The following TNR variants were observed in gnomAD, a reference collection of about 807,000 sequenced individuals.
The protein encoded by TNR is tenascin-R.
In TNR, 45 loss-of-function variants were observed where a neutral mutation model predicts 150.4. The ratio of observed to expected loss-of-function variants is 0.30; its 90% CI spans 0.24 to 0.38. TNR has a LOEUF of 0.38. TNR is among the 10% of genes least tolerant of loss of function. TNR has a pLI of 1.00. For missense variants in TNR, 1,544 were observed against 1,759.1 expected (o/e 0.88, Z 2.19); for synonymous variants, 687 against 678.4 (o/e 1.01, Z -0.20).
At chr1:175,696,825 G>C (rs2101923362) in intron 1 of TNR, among the ~76,000 whole-genome samples, 1 of 151,166 alleles carries the variant, frequency 6.6e-6, no homozygotes, top group South Asian at 2.1e-4. Flanking sequence ...GTTACAGTGG[G>C]CCGAGATCGT....
chr1:175,455,491 G>T (rs1425995808), intron 2 of TNR, among the ~76,000 whole-genome samples: 1 of 152,212 alleles, frequency 6.6e-6, no homozygotes, highest in African/African-American at 2.4e-5. Flanking sequence ...GTAGGAGCAG[G>T]CATGCTATTA....
rs146768225 is a variant in TNR at position 175,638,120 on chromosome 1, G to A, written c.-165+105106C>T. On this transcript the variant is annotated intron_variant, in intron 1 of 22. Transcript: ENST00000367674. ...GTCAGGCTCTTGTGGAGCAGGAAGTGCAGAACTTCTAGGAATGTCCCTAAT... is the reference window on the plus strand; with the variant it reads ...GTCAGGCTCTTGTGGAGCAGGAAGTACAGAACTTCTAGGAATGTCCCTAAT... Among the ~76,000 whole-genome samples the A allele has an allele frequency of 2.0e-3, 310 of 152,286 alleles. 2 individuals carry two copies. Among genetic ancestry groups the A allele is most frequent in the African/African-American group, 7.1e-3 (294 of 41,558 alleles).
rs575020723 is a variant in TNR, at chr1:175,656,141, A to AGTGTGTGTGTGT, written c.-165+87073_-165+87084dup. On this transcript the variant is annotated intron_variant, in intron 1 of 22. Transcript: ENST00000367674. ...AGGGGAAGACGGGGAGGAAGGTTGA[A>AGTGTGTGTGTGT]GTGTGTGTGTGTGTGTGTGTGTGTG... is the stretch of plus-strand genomic sequence containing the variant. Among the ~76,000 whole-genome samples the AGTGTGTGTGTGT allele has an allele frequency of 1.8e-3, 224 of 123,934 alleles. 1 individual carries two copies. Among genetic ancestry groups the AGTGTGTGTGTGT allele is most frequent in the African/African-American group, 4.0e-3 (131 of 32,856 alleles). The allele number at this position is 123,934 out of a possible 152,430, so 81.3% of individuals were successfully genotyped here.
rs143401612 is a variant in TNR at position 175,386,258 on chromosome 1, G to T, written c.1551C>A (p.Asp517Glu). 123 of 1,590,962 alleles carry T rather than the reference G, an allele frequency of 7.7e-5. No individual in the cohort carries two copies. The highest frequency in any genetic ancestry group is 8.1e-5 in the Non-Finnish European group (94 of 1,163,402). The change falls in exon 8 of 23, where the codon GAC becomes GAA. Residue 517 changes from aspartate (D) to glutamate (E), a missense_variant. Physicochemically the swap from Asp to Glu is conservative, Grantham distance 45. Around this residue, in one of 2 missense-constraint regions of TNR, gnomAD observed 1,254 missense variants for 1,329.4 expected, o/e 0.94. Transcript: ENST00000367674. ...PTQILVRDVSDTVAFVEWIPP... is the reference protein window; with the variant it reads ...PTQILVRDVSETVAFVEWIPP... The stretch of plus-strand genomic sequence containing the variant: ...GAATCCACTCCACAAAAGCCACAGT[G>T]TCCGAGACATCGCGAACCAGGATCT...
chr1:175,630,363 G>A (rs1455131636), intron 1 of TNR, among the ~76,000 whole-genome samples: 4 of 152,220 alleles, frequency 2.6e-5, no homozygotes, highest in Non-Finnish European at 5.9e-5. Context: ...TTCATTGAGT[G>A]TGTGTCTATC....
At chr1:175,522,968 T>C (rs1453817457) in intron 2 of TNR, among the ~76,000 whole-genome samples, 5 of 152,232 alleles carry the variant, frequency 3.3e-5, no homozygotes, top group Non-Finnish European at 5.9e-5. Context: ...TGGAAAGCAA[T>C]TTCAGTAAGT....
At chr1:175,463,756 C>A (rs1318441280) in intron 2 of TNR, among the ~76,000 whole-genome samples, 1 of 152,204 alleles carries the variant, frequency 6.6e-6, no homozygotes, top group Non-Finnish European at 1.5e-5. Context: ...ATCAAGATTA[C>A]CCCTTCCCCA....
At chr1:175,456,724 C>G (rs144927060) in intron 2 of TNR, among the ~76,000 whole-genome samples, 2 of 152,328 alleles carry the variant, frequency 1.3e-5, no homozygotes, top group East Asian at 3.9e-4. Flanking sequence ...CTGTTATAAA[C>G]TTTCCCTCCA....
In TNR at chr1:175,599,835, G is replaced by A. The variant is rs1442250999; in HGVS notation, c.-164-71466C>T. Among the ~76,000 whole-genome samples the A allele has an allele frequency of 6.6e-6, 1 of 152,218 alleles. No individual in the cohort carries two copies. The highest frequency in any genetic ancestry group is 1.5e-5 in the Non-Finnish European group (1 of 68,038). ...ATACACTTCCCAGATAGCAAGGAGGGGTGATTCGGATTCAACTCTTGCTGC... is the reference window on the plus strand; with the variant it reads ...ATACACTTCCCAGATAGCAAGGAGGAGTGATTCGGATTCAACTCTTGCTGC... On this transcript the variant is annotated intron_variant, in intron 1 of 22. Transcript: ENST00000367674. The surrounding 1 kb of genome is among the most constrained non-coding windows in gnomAD (Gnocchi z 4.7).
intron 2 of TNR, among the ~76,000 whole-genome samples, chr1:175,450,962 G>A (rs1311986423): frequency 1.3e-5 from 2 of 152,104 alleles, no homozygotes; most frequent in African/African-American, 4.8e-5. Flanking sequence ...TTCACCTTTA[G>A]CTTGAAGTTT....
At chr1:175,589,920 A>C (rs1279985518) in intron 1 of TNR, among the ~76,000 whole-genome samples, 1 of 152,200 alleles carries the variant, frequency 6.6e-6, no homozygotes, top group African/African-American at 2.4e-5. Flanking sequence ...TGGGTGCAGC[A>C]AACCACCATG....
intron 1 of TNR, among the ~76,000 whole-genome samples, chr1:175,720,750 A>G (rs1667275676): frequency 6.6e-6 from 1 of 152,256 alleles, no homozygotes; most frequent in Non-Finnish European, 1.5e-5. Flanking sequence ...TTTCCTGCCC[A>G]GTGGAGGAAG....
chr1:175,618,063 C>A (rs1023283889), intron 1 of TNR, among the ~76,000 whole-genome samples: 1 of 152,202 alleles, frequency 6.6e-6, no homozygotes, highest in Admixed American at 6.5e-5. Flanking sequence ...TTGGGAGGGT[C>A]ATTCAAGCTC....
chr1:175,326,269 C>T (rs1649386911), intron 21 of TNR, among the ~76,000 whole-genome samples: 1 of 152,062 alleles, frequency 6.6e-6, no homozygotes, highest in African/African-American at 2.4e-5. Flanking sequence ...ATTTGTGGCT[C>T]AGGATGTTGT....
chr1:175,743,065 A>C (rs1284242321), intron 1 of TNR, among the ~76,000 whole-genome samples, 161 bp downstream of exon 1: 1 of 152,088 alleles, frequency 6.6e-6, no homozygotes, highest in Non-Finnish European at 1.5e-5. Flanking sequence ...TTCCCTACGC[A>C]GAACCCGACT....
intron 1 of TNR, among the ~76,000 whole-genome samples, chr1:175,737,166 C>G (rs948828474): frequency 1.3e-5 from 2 of 152,194 alleles, no homozygotes; most frequent in African/African-American, 4.8e-5. Flanking sequence ...CTCTCTGAAC[C>G]CCTCAAGAGC....
chr1:175,343,857 C>T (rs1355561383), intron 18 of TNR, among the ~76,000 whole-genome samples: 1 of 152,168 alleles, frequency 6.6e-6, no homozygotes, highest in Admixed American at 6.5e-5. Flanking sequence ...ATGTAAGGTC[C>T]TGCTGTAACA....
chr1:175,610,078 A>G (rs561228123), intron 1 of TNR, among the ~76,000 whole-genome samples: 2 of 152,360 alleles, frequency 1.3e-5, no homozygotes, highest in East Asian at 3.9e-4. Flanking sequence ...ACCTGATTCA[A>G]GACAGATAAT....
chr1:175,679,039 T>C (rs1446573654), intron 1 of TNR, among the ~76,000 whole-genome samples: 1 of 152,188 alleles, frequency 6.6e-6, no homozygotes, highest in Non-Finnish European at 1.5e-5. Context: ...CTGCCAGAAG[T>C]GGGACAAACA....
Sources: gnomAD v4.1 joint callset for allele counts (sites outside exome capture counted in the v4.1 genomes callset) on GRCh38, gnomAD v4.1.1 for gene constraint, gnomAD v4.1.1 regional missense constraint, Gnocchi (gnomAD v3.1) non-coding constraint, MANE v1.5 for transcripts, NCBI Gene and HGNC (gene_info 2026-07-23, HGNC 2026-07-21) for gene names.